Variants in RHOU observed in about 807,000 individuals in gnomAD.
RHOU encodes ras homolog family member U, also known as rho-related GTP-binding protein RhoU.
Under a neutral mutation model 12.6 loss-of-function variants are expected in RHOU, and 8 were observed. That is an observed-to-expected ratio of 0.64 (90% confidence interval 0.37 to 1.15). RHOU has a LOEUF of 1.15. Among genes scored for constraint, RHOU ranks in the 50% most tolerant of loss-of-function variants. The pLI is 0.01. For synonymous variants in RHOU, 161 were observed against 147.4 expected, an observed-to-expected ratio of 1.09 and a Z score of -0.67; for missense variants, 258 against 347.0, an observed-to-expected ratio of 0.74 and a Z score of 2.04.
chr1:228,727,119 C>T, the RHOU span, among the ~76,000 whole-genome samples: 2 of 152,196 alleles, frequency 1.3e-5, no homozygotes, highest in African/African-American at 4.8e-5. Flanking sequence ...CTATTGTTCA[C>T]ACTAAGTTCA....
chr1:228,727,292 C>T, the RHOU span, among the ~76,000 whole-genome samples: 1 of 152,048 alleles, frequency 6.6e-6, no homozygotes, highest in Non-Finnish European at 1.5e-5. Flanking sequence ...ATGCAGTAGA[C>T]ACTCATTTCT....
At chr1:228,691,937 A>G in the RHOU span, among the ~76,000 whole-genome samples, 2 of 152,220 alleles carry the variant, frequency 1.3e-5, no homozygotes, top group Non-Finnish European at 2.9e-5. Context: ...AGTTTATTGT[A>G]CTTGGGAATG....
chr1:228,741,133 T>C (rs1662714478), intron 2 of RHOU, among the ~76,000 whole-genome samples: 1 of 151,992 alleles, frequency 6.6e-6, no homozygotes, highest in African/African-American at 2.4e-5. Context: ...CAGAGGGATG[T>C]AGAATCCAGT....
chr1:228,695,952 G>T, the RHOU span, among the ~76,000 whole-genome samples: 177 of 152,278 alleles, frequency 1.2e-3, 1 homozygote, highest in East Asian at 4.8e-3. Flanking sequence ...GCTGCCTAGG[G>T]GCTGCCAGCC....
chr1:228,669,172 A>G, the RHOU span, among the ~76,000 whole-genome samples: 1 of 152,244 alleles, frequency 6.6e-6, no homozygotes, highest in Admixed American at 6.5e-5. Context: ...AACTTCTACA[A>G]GGAACACCAC....
chr1:228,687,866 C>T, the RHOU span: 2 of 983,878 alleles, frequency 2.0e-6, no homozygotes, highest in Non-Finnish European at 3.2e-6. Flanking sequence ...GGAGTGACTT[C>T]CCTGGTCACC....
the RHOU span, among the ~76,000 whole-genome samples, chr1:228,681,768 C>T: frequency 2.6e-5 from 4 of 152,022 alleles, no homozygotes; most frequent in African/African-American, 9.7e-5. Flanking sequence ...CTTGAGAACA[C>T]AGGCTAAGGG....
chr1:228,742,215 CAGTT>C (rs1157867414), intron 2 of RHOU, among the ~76,000 whole-genome samples: 1 of 152,294 alleles, frequency 6.6e-6, no homozygotes, highest in East Asian at 1.9e-4. Flanking sequence ...CAAAAGTTGT[CAGTT>C]AGCTGAATAT....
At chr1:228,673,683 CATA>C in the RHOU span, among the ~76,000 whole-genome samples, 1 of 152,312 alleles carries the variant, frequency 6.6e-6, no homozygotes, top group African/African-American at 2.4e-5. Flanking sequence ...CACCTTCCGC[CATA>C]ATGTAAGTTT....
chr1:228,661,715 C>G, the RHOU span, among the ~76,000 whole-genome samples: 5 of 152,240 alleles, frequency 3.3e-5, no homozygotes, highest in Middle Eastern at 6.8e-3. Context: ...AGGCCTAAAA[C>G]CATAAAAACC....
the RHOU span, among the ~76,000 whole-genome samples, chr1:228,707,252 TATAGTGTG>T: frequency 4.0e-4 from 31 of 77,138 alleles, no homozygotes; most frequent in African/African-American, 8.3e-4. Context: ...TATATATATA[TATAGTGTG>T]TGTGTGTGTG....
the RHOU span, among the ~76,000 whole-genome samples, chr1:228,657,938 C>T: frequency 1.3e-5 from 2 of 152,044 alleles, no homozygotes; most frequent in Non-Finnish European, 2.9e-5. Context: ...GTCTGAATGT[C>T]CCCCAAAATT....
chr1:228,660,837 G>A, the RHOU span, among the ~76,000 whole-genome samples: 1 of 151,514 alleles, frequency 6.6e-6, no homozygotes, highest in Non-Finnish European at 1.5e-5. Context: ...GGAGGCTGAG[G>A]CAGGAGAATT....
At chr1:228,703,322 C>T in the RHOU span, among the ~76,000 whole-genome samples, 3 of 152,070 alleles carry the variant, frequency 2.0e-5, no homozygotes, top group East Asian at 1.9e-4. Flanking sequence ...GTCAGGAGAT[C>T]GAGACCATCC....
At chr1:228,695,597 C>T in the RHOU span, among the ~76,000 whole-genome samples, 181 of 152,208 alleles carry the variant, frequency 1.2e-3, 1 homozygote, top group East Asian at 5.6e-3. Flanking sequence ...AATTTGCTAG[C>T]GTGGCTCACA....
the RHOU span, among the ~76,000 whole-genome samples, chr1:228,711,352 T>G: frequency 5.2e-4 from 79 of 152,160 alleles, 1 homozygote; most frequent in Non-Finnish European, 9.9e-4. Flanking sequence ...CATCGCCAAG[T>G]CAATCCTAAG....
At chr1:228,735,087 G>T (rs1662564107), upstream of RHOU, 1 of 152,278 alleles carries the variant, frequency 6.6e-6, no homozygotes, top group South Asian at 2.1e-4. This position sits in a 1 kb window ranked among gnomAD's most constrained non-coding sequence, Gnocchi z 8.1. Flanking sequence ...GGGCTCCACG[G>T]AGTGAATAGG....
the RHOU span, among the ~76,000 whole-genome samples, chr1:228,672,035 C>T: frequency 6.6e-6 from 1 of 152,188 alleles, no homozygotes; most frequent in Non-Finnish European, 1.5e-5. Flanking sequence ...CACATGCACA[C>T]AAATCAAAAG....
the RHOU span, among the ~76,000 whole-genome samples, chr1:228,688,394 G>A: frequency 6.6e-6 from 1 of 152,312 alleles, no homozygotes; most frequent in East Asian, 1.9e-4. Context: ...TTGTGAGTTG[G>A]CAGCCTATGG....
Sources: gnomAD v4.1 joint callset for allele counts (sites outside exome capture counted in the v4.1 genomes callset) on GRCh38, gnomAD v4.1.1 for gene constraint, Gnocchi (gnomAD v3.1) non-coding constraint, MANE v1.5 for transcripts, NCBI Gene and HGNC (gene_info 2026-07-23, HGNC 2026-07-21) for gene names.